EPB41L4B: variants seen among roughly 807,000 people sequenced by gnomAD.
EPB41L4B encodes the protein band 4.1-like protein 4B.
A neutral mutation model predicts 112.5 loss-of-function variants in EPB41L4B; 30 were observed. That is an observed-to-expected ratio of 0.27 (90% confidence interval 0.20 to 0.36). The LOEUF is 0.36. Among genes scored for constraint, EPB41L4B ranks in the 10% least tolerant of loss-of-function variants. The pLI, the probability that EPB41L4B is intolerant of heterozygous loss-of-function variation, is 1.00. For missense variants in EPB41L4B, 1,024 were observed against 1,133.3 expected, an observed-to-expected ratio of 0.90 and a Z score of 1.38; for synonymous variants, 408 against 439.7, an observed-to-expected ratio of 0.93 and a Z score of 0.90.
intron 1 of EPB41L4B, 31 bp downstream of exon 1, chr9:109,320,110 G>A: frequency 2.1e-6 from 3 of 1,403,052 alleles, no homozygotes; most frequent in Non-Finnish European, 2.8e-6. Context: ...GGCGCGAGGT[G>A]CCAGTGCCCC....
At chr9:109,310,027 C>T (rs1349087005) in intron 1 of EPB41L4B, among the ~76,000 whole-genome samples, 1 of 152,172 alleles carries the variant, frequency 6.6e-6, no homozygotes, top group Non-Finnish European at 1.5e-5. Flanking sequence ...AGGATAGATG[C>T]TTCCTGGCAC....
intron 15 of EPB41L4B, among the ~76,000 whole-genome samples, chr9:109,236,664 A>G (rs1213851989): frequency 2.0e-5 from 3 of 152,204 alleles, no homozygotes; most frequent in African/African-American, 7.2e-5. Flanking sequence ...ATTTTGGCAG[A>G]AGTGGGCCTA....
intron 15 of EPB41L4B, among the ~76,000 whole-genome samples, chr9:109,225,555 G>A (rs1017452006): frequency 5.3e-5 from 8 of 149,778 alleles, no homozygotes; most frequent in South Asian, 4.1e-4. Context: ...ACCACAGTAG[G>A]GGGGAAACTT....
At chr9:109,248,781 C>T (rs568762201) in intron 13 of EPB41L4B, among the ~76,000 whole-genome samples, 2 of 151,898 alleles carry the variant, frequency 1.3e-5, no homozygotes, top group Non-Finnish European at 2.9e-5. Context: ...ATATATAGGC[C>T]GGGCGTGGTA....
intron 17 of EPB41L4B, among the ~76,000 whole-genome samples, chr9:109,210,355 T>C (rs183383625): frequency 3.8e-4 from 58 of 152,326 alleles, no homozygotes; most frequent in African/African-American, 1.3e-3. Flanking sequence ...CATGAAGAGA[T>C]AGTTTTAAAA....
At chr9:109,231,192 T>A (rs909145544) in intron 15 of EPB41L4B, among the ~76,000 whole-genome samples, 5 of 152,066 alleles carry the variant, frequency 3.3e-5, no homozygotes, top group Non-Finnish European at 7.4e-5. Context: ...ACTGCATTTT[T>A]GGGTGTAGTT....
Position 109,276,427 on chromosome 9 carries a change from C to T in EPB41L4B, c.411+3390G>A, listed in dbSNP as rs72746915. ...AGAGATAAGTGCAGGCATCATAAGA[C>T]CCAGACTGTAAGGAGTCCAGCTCAG... On this transcript the variant is annotated intron_variant, in intron 2 of 25. Transcript: ENST00000374566. Among the ~76,000 whole-genome samples, 326 of 152,196 alleles carry T rather than the reference C, an allele frequency of 2.1e-3. 1 individual carries two copies. The highest frequency in any genetic ancestry group is 0.011 in the South Asian group (51 of 4,810).
intron 4 of EPB41L4B, among the ~76,000 whole-genome samples, chr9:109,265,980 A>T (rs1835388282): frequency 6.6e-6 from 1 of 152,220 alleles, no homozygotes; most frequent in Non-Finnish European, 1.5e-5. Context: ...GCCAGAAATC[A>T]AGGAGATCGG....
rs1831699028 is a variant in EPB41L4B, at chr9:109,173,425, C to CA, written c.*1128dup. 1 of 144,216 alleles carries CA rather than the reference C, an allele frequency of 6.9e-6. No homozygotes were observed. The highest frequency in any genetic ancestry group is 2.6e-5 in the African/African-American group (1 of 38,120). 8.9% of individuals were successfully genotyped at this position (144,216 alleles called of 1,614,324 possible). ...AAGAAGGAGCAGTTTTTTTTTTTTA[C>CA]AGACATTCATAGCAGCACTATTTAT... On this transcript the variant is annotated 3_prime_UTR_variant, in exon 26 of 26. Coordinates refer to ENST00000374566, the MANE Select transcript of EPB41L4B (RefSeq NM_019114.5).
At chr9:109,287,291 T>C (rs1836325381) in intron 1 of EPB41L4B, among the ~76,000 whole-genome samples, 1 of 152,146 alleles carries the variant, frequency 6.6e-6, no homozygotes, top group Non-Finnish European at 1.5e-5. Context: ...CCAAAATAAA[T>C]GAACTATCCT....
At chr9:109,255,315 T>C (rs2119023990) in intron 11 of EPB41L4B, among the ~76,000 whole-genome samples, 196 bp downstream of exon 11, 1 of 152,360 alleles carries the variant, frequency 6.6e-6, no homozygotes, top group East Asian at 1.9e-4. Flanking sequence ...ATTAACAATT[T>C]TGTTATTAGT....
chr9:109,260,781 G>A (rs778223903), intron 6 of EPB41L4B, among the ~76,000 whole-genome samples: 2 of 152,066 alleles, frequency 1.3e-5, no homozygotes, highest in African/African-American at 2.4e-5. Flanking sequence ...CTCCAAGAAC[G>A]GTCACAGAGA....
At chr9:109,298,448 G>A (rs1211709703) in intron 1 of EPB41L4B, among the ~76,000 whole-genome samples, 1 of 151,870 alleles carries the variant, frequency 6.6e-6, no homozygotes. Context: ...TGAGTAGCTG[G>A]GATTACAGGC....
chr9:109,319,026 G>A (rs1429306927), intron 1 of EPB41L4B, among the ~76,000 whole-genome samples: 3 of 152,150 alleles, frequency 2.0e-5, no homozygotes, highest in South Asian at 2.1e-4. Flanking sequence ...TTGGAAGTCC[G>A]GGTATGTTAT....
At chr9:109,234,263 T>C (rs565795428) in intron 15 of EPB41L4B, among the ~76,000 whole-genome samples, 2 of 152,320 alleles carry the variant, frequency 1.3e-5, no homozygotes, top group African/African-American at 4.8e-5. Context: ...AATATGCACA[T>C]ACCTTTTAAC....
Position 109,320,144 on chromosome 9 carries a change from C to T in EPB41L4B, c.303G>A (p.Leu101=), listed in dbSNP as rs1469648175. The change falls in exon 1 of 26, where the codon CTG becomes CTA. Residue 101 remains leucine, a synonymous_variant. Transcript: ENST00000374566. ...LLDGTEVSVD[L]PKHAKGQDLF... ...CCAGACTGGCCCCGTCACTCACCGG[C>T]AGGTCCACGCTCACTTCGGTCCCGT... 4.1e-6 allele frequency: 6 copies of T among 1,463,478 alleles called. No individual in the cohort carries two copies. In the African/African-American group the frequency reaches 4.4e-5, roughly 11 times the overall value. The allele number at this position is 1,463,478 out of a possible 1,614,324, so 90.7% of individuals were successfully genotyped here. A position where few individuals can be genotyped will look rare whatever the true frequency, so the allele number is the denominator to read the frequency against.
At chr9:109,273,537 A>T (rs1218028645) in intron 2 of EPB41L4B, among the ~76,000 whole-genome samples, 1 of 152,074 alleles carries the variant, frequency 6.6e-6, no homozygotes, top group Non-Finnish European at 1.5e-5. Context: ...GTGAGCCACC[A>T]CACCACGCCC....
chr9:109,309,780 AGAG>A (rs1482878563), intron 1 of EPB41L4B, among the ~76,000 whole-genome samples: 8 of 151,900 alleles, frequency 5.3e-5, no homozygotes, highest in African/African-American at 1.4e-4. Context: ...AGAGAGAGAG[AGAG>A]AGAGAGATGG....
chr9:109,232,442 A>T (rs3849111), intron 15 of EPB41L4B, among the ~76,000 whole-genome samples: 1 of 151,840 alleles, frequency 6.6e-6, no homozygotes, highest in East Asian at 1.9e-4. Flanking sequence ...TATATGAGAG[A>T]CCCCAAAGGG....
Sources: gnomAD v4.1 joint callset for allele counts (sites outside exome capture counted in the v4.1 genomes callset) on GRCh38, gnomAD v4.1.1 for gene constraint, MANE v1.5 for transcripts, NCBI Gene and HGNC (gene_info 2026-07-23, HGNC 2026-07-21) for gene names.